The following OR2T8 variants were observed in gnomAD, a reference collection of about 807,000 sequenced individuals.
OR2T8 encodes the protein olfactory receptor 2T8.
For missense variants in OR2T8, 161 were observed against 389.4 expected (o/e 0.41, Z 4.94); for synonymous variants, 56 against 154.3 (o/e 0.36, Z 4.72).
Position 247,923,049 on chromosome 1 carries a change from A to G in OR2T8, c.*1093A>G, listed in dbSNP as rs2103002806. 6.6e-6 allele frequency among the ~76,000 whole-genome samples: 1 copy of G among 152,350 alleles called. No individual in the cohort carries two copies. The highest frequency in any genetic ancestry group is 6.5e-5 in the Admixed American group (1 of 15,304). Reference sequence around the variant, plus strand: ...AAAAAAAAATCTGTATATGCTTCCAAAGCGAAAACAACTTGGTCATTAACT... The same window carrying G: ...AAAAAAAAATCTGTATATGCTTCCAGAGCGAAAACAACTTGGTCATTAACT... On this transcript the variant is annotated 3_prime_UTR_variant, in exon 2 of 2. Transcript: ENST00000641945.
Position 247,921,012 on chromosome 1 carries a change from GA to G in OR2T8, c.-3del. 6.3e-7 allele frequency: 1 copy of G among 1,590,618 alleles called. No individual in the cohort carries two copies. The highest frequency in any genetic ancestry group is 1.3e-5 in the African/African-American group (1 of 74,496). The stretch of plus-strand genomic sequence containing the variant: ...TCCATTTGCAGTGTCACTCTTATTT[GA>G]AATCATGGAAAATGGGAGCTATACC... On this transcript the variant is annotated 5_prime_UTR_variant, in exon 2 of 2. Transcript: ENST00000641945.
rs1185722652 is a variant in OR2T8, at chr1:247,922,690, G to A, written c.*734G>A. ...CCATTATTTTGCTGATGGACATCTG[G>A]GCTATTTTCAGTTTGAAGTTCTGGT... On this transcript the variant is annotated 3_prime_UTR_variant, in exon 2 of 2. Transcript: ENST00000641945. 6.6e-6 allele frequency among the ~76,000 whole-genome samples: 1 copy of A among 151,932 alleles called. No individual in the cohort carries two copies. Among genetic ancestry groups the A allele is most frequent in the Non-Finnish European group, 1.5e-5 (1 of 67,978 alleles).
rs6695357 is a variant in OR2T8 at position 247,921,930 on chromosome 1, C to T, written c.913C>T (p.Arg305Trp). The T allele has an allele frequency of 2.9e-3, 4,699 of 1,614,044 alleles. 90 individuals carry two copies. In the African/African-American group the frequency reaches 0.04, roughly 14 times the overall value. Residue 305 changes from arginine (R) to tryptophan (W), a missense_variant, in exon 2 of 2, where the codon CGG becomes TGG. Coordinates refer to ENST00000641945, the MANE Select transcript of OR2T8 (RefSeq NM_001005522.2). ...GGGAGCCCTGACAAGGTGTATGGGT[C>T]GGTGTGTGGCCTTAAGTCGTGAATA... The part of the protein sequence containing the change: ...VKGALTRCMG[R>W]CVALSRE
chr1:247,921,856 C>T lies in OR2T8; in HGVS notation c.839C>T (p.Thr280Ile). ...GTGTCAGCCTTCTATACTATGTTCA[C>T]CCCTTTACTAAACCCCCTCATCTAC... is the stretch of plus-strand genomic sequence containing the variant. ...KVVSAFYTMF[T>I]PLLNPLIYSV... The change falls in exon 2 of 2, where the codon ACC becomes ATC. Residue 280 changes from threonine to isoleucine, a missense_variant. Thr to Ile is a moderately conservative substitution (Grantham distance 89). Coordinates refer to ENST00000641945, the MANE Select transcript of OR2T8 (RefSeq NM_001005522.2). The T allele has an allele frequency of 1.9e-6, 3 of 1,613,680 alleles. No homozygotes were observed. Among genetic ancestry groups the T allele is most frequent in the East Asian group, 2.2e-5 (1 of 44,844 alleles).
rs1409488565 is a variant in OR2T8, at chr1:247,922,845, C to T, written c.*889C>T. On this transcript the variant is annotated 3_prime_UTR_variant, in exon 2 of 2. Transcript: ENST00000641945. ...CTCTTATACTGCCGCTGACAATGCACACAAGTTCCTGTTGCTCCAAATGTC... is the reference window on the plus strand; with the variant it reads ...CTCTTATACTGCCGCTGACAATGCATACAAGTTCCTGTTGCTCCAAATGTC... Among the ~76,000 whole-genome samples the T allele has an allele frequency of 6.6e-6, 1 of 152,210 alleles. No individual in the cohort carries two copies. The highest frequency in any genetic ancestry group is 1.9e-4 in the East Asian group (1 of 5,204).
chr1:247,922,200 C>A lies in OR2T8; in HGVS notation c.*244C>A, dbSNP rs1660033471. On this transcript the variant is annotated 3_prime_UTR_variant, in exon 2 of 2. Coordinates refer to ENST00000641945, the MANE Select transcript of OR2T8 (RefSeq NM_001005522.2). Reference sequence around the variant, plus strand: ...ACTAATCCTTAGTAAGATGGTTTTACATCATACCTCACAATAATTTTTTGT... The same window carrying A: ...ACTAATCCTTAGTAAGATGGTTTTAAATCATACCTCACAATAATTTTTTGT... Among the ~76,000 whole-genome samples, 1 of 152,160 alleles carries A rather than the reference C, an allele frequency of 6.6e-6. No individual in the cohort carries two copies. The highest frequency in any genetic ancestry group is 6.5e-5 in the Admixed American group (1 of 15,272).
intron 1 of OR2T8, 64 bp from the exon 2 acceptor site, chr1:247,920,934 C>A: frequency 8.4e-7 from 1 of 1,194,710 alleles, no homozygotes. Context: ...TATTTTTTTA[C>A]TACGTAACTC....
chr1:247,920,278 T>C lies in OR2T8; in HGVS notation c.-261T>C, dbSNP rs1416322586. 1 of 152,230 alleles carries C rather than the reference T, an allele frequency of 6.6e-6. No homozygotes were observed. The highest frequency in any genetic ancestry group is 2.4e-5 in the African/African-American group (1 of 41,460). The allele number at this position is 152,230 out of a possible 1,614,324, so 9.4% of individuals were successfully genotyped here. ...ATTGCAACAAAGTACCTTGTACAGT[T>C]AATGAAAATGTGTGTTTACCATTAT... On this transcript the variant is annotated 5_prime_UTR_variant, in exon 1 of 2. Transcript: ENST00000641945.
At position 247,921,038 on chromosome 1, in the gene OR2T8, C is replaced by T. The variant is rs1558367710; in HGVS notation, c.21C>T (p.Thr7=). Residue 7 remains threonine (T), a synonymous_variant, in exon 2 of 2, where the codon ACC becomes ACT. Transcript: ENST00000641945. ...AAATCATGGAAAATGGGAGCTATAC[C>T]TCTTATTTCATTCTCCTAGGACTCT... is the stretch of plus-strand genomic sequence containing the variant. MENGSY[T]SYFILLGLFN... 1 of 1,609,592 alleles carries T rather than the reference C, an allele frequency of 6.2e-7. No homozygotes were observed. The highest frequency in any genetic ancestry group is 8.5e-7 in the Non-Finnish European group (1 of 1,177,148).
rs980903041 is a variant in OR2T8 at position 247,922,701 on chromosome 1, G to T, written c.*745G>T. ...CTGATGGACATCTGGGCTATTTTCAGTTTGAAGTTCTGGTGACTGAAATGT... is the reference window on the plus strand; with the variant it reads ...CTGATGGACATCTGGGCTATTTTCATTTTGAAGTTCTGGTGACTGAAATGT... On this transcript the variant is annotated 3_prime_UTR_variant, in exon 2 of 2. Transcript: ENST00000641945. 6.6e-6 allele frequency among the ~76,000 whole-genome samples: 1 copy of T among 152,120 alleles called. No individual in the cohort carries two copies. The highest frequency in any genetic ancestry group is 1.5e-5 in the Non-Finnish European group (1 of 68,024).
Position 247,921,401 on chromosome 1 carries a change from C to G in OR2T8, c.384C>G (p.Leu128=). ...GCTATGCGGCTGTCTGCCACCCACT[C>G]CGATATCCCACTCTCATGAGCTGGC... The part of the protein sequence containing the change: ...YDRYAAVCHP[L]RYPTLMSWQL... Residue 128 remains leucine (L), a synonymous_variant, in exon 2 of 2, where the codon CTC becomes CTG. Transcript: ENST00000641945. The G allele has an allele frequency of 2.6e-6, 3 of 1,138,766 alleles. No individual in the cohort carries two copies. The allele number at this position is 1,138,766 out of a possible 1,614,324, so 70.5% of individuals were successfully genotyped here. A position where few individuals can be genotyped will look rare whatever the true frequency, so the allele number is the denominator to read the frequency against.
rs1660025218 is a variant in OR2T8 at position 247,921,859 on chromosome 1, C to A, written c.842C>A (p.Pro281His). The A allele has an allele frequency of 6.2e-7, 1 of 1,613,662 alleles. No individual in the cohort carries two copies. The highest frequency in any genetic ancestry group is 1.3e-5 in the African/African-American group (1 of 74,770). Residue 281 changes from proline to histidine, a missense_variant, in exon 2 of 2, where the codon CCT becomes CAT. Physicochemically the swap from Pro to His is moderately conservative, Grantham distance 77. Coordinates refer to ENST00000641945, the MANE Select transcript of OR2T8 (RefSeq NM_001005522.2). ...VVSAFYTMFTPLLNPLIYSVK... is the reference protein window; with the variant it reads ...VVSAFYTMFTHLLNPLIYSVK... ...TCAGCCTTCTATACTATGTTCACCC[C>A]TTTACTAAACCCCCTCATCTACAGT...
rs1572607648 is a variant in OR2T8 at position 247,923,067 on chromosome 1, CA to C, written c.*1112del. Among the ~76,000 whole-genome samples the C allele has an allele frequency of 6.6e-6, 1 of 152,264 alleles. No homozygotes were observed. On this transcript the variant is annotated 3_prime_UTR_variant, in exon 2 of 2. Transcript: ENST00000641945. The stretch of plus-strand genomic sequence containing the variant: ...GCTTCCAAAGCGAAAACAACTTGGT[CA>C]TTAACTAATAGGCAATCTATGGCAT...
Position 247,923,150 on chromosome 1 carries a change from AT to A in OR2T8, c.*1195del, listed in dbSNP as rs1660045852. ...ATCATATATTGGGTTATTTTTTATT[AT>A]ATTTCCTGACACATGTGTTATCATT... On this transcript the variant is annotated 3_prime_UTR_variant, in exon 2 of 2. Transcript: ENST00000641945. Among the ~76,000 whole-genome samples the A allele has an allele frequency of 1.3e-5, 2 of 152,186 alleles. No individual in the cohort carries two copies. Among genetic ancestry groups the A allele is most frequent in the Non-Finnish European group, 2.9e-5 (2 of 68,036 alleles).
At position 247,922,752 on chromosome 1, in the gene OR2T8, A is replaced by G. The variant is rs4925581; in HGVS notation, c.*796A>G. Among the ~76,000 whole-genome samples the G allele has an allele frequency of 0.65, 99,391 of 151,952 alleles. 34,032 individuals carry two copies. The highest frequency in any genetic ancestry group is 0.77 in the Non-Finnish European group (52,197 of 67,996). The stretch of plus-strand genomic sequence containing the variant: ...ATGTTAATCTCCTATTTGTAATCAT[A>G]TGTTTTTATTTTTCTTGGTAGGTGT... On this transcript the variant is annotated 3_prime_UTR_variant, in exon 2 of 2. Transcript: ENST00000641945.
In OR2T8 at chr1:247,921,129, T is replaced by C; in HGVS notation, c.112T>C (p.Phe38Leu). 6.2e-7 allele frequency: 1 copy of C among 1,608,856 alleles called. No individual in the cohort carries two copies. Among genetic ancestry groups the C allele is most frequent in the Non-Finnish European group, 8.5e-7 (1 of 1,177,476 alleles). The change falls in exon 2 of 2, where the codon TTT becomes CTT. Residue 38 changes from phenylalanine (F) to leucine (L), a missense_variant. Coordinates refer to ENST00000641945, the MANE Select transcript of OR2T8 (RefSeq NM_001005522.2). ...TCTGAGTATCGTTTTGACCTCCCTG[T>C]TTGGCAATTCCCTCATGATTCTCCT... The part of the protein sequence containing the change: ...MVLSIVLTSL[F>L]GNSLMILLIH...
Position 247,921,840 on chromosome 1 carries a change from T to A in OR2T8, c.823T>A (p.Phe275Ile). 1 of 1,613,328 alleles carries A rather than the reference T, an allele frequency of 6.2e-7. No individual in the cohort carries two copies. Among genetic ancestry groups the A allele is most frequent in the East Asian group, 2.2e-5 (1 of 44,810 alleles). ...STNHDKVVSA[F>I]YTMFTPLLNP... ...TAACCACGACAAGGTTGTGTCAGCC[T>A]TCTATACTATGTTCACCCCTTTACT... The change falls in exon 2 of 2, where the codon TTC (phenylalanine) becomes ATC (isoleucine). Residue 275 changes from phenylalanine to isoleucine, a missense_variant. Coordinates refer to ENST00000641945, the MANE Select transcript of OR2T8 (RefSeq NM_001005522.2).
At chr1:247,920,779 C>A (rs927751538) in intron 1 of OR2T8, among the ~76,000 whole-genome samples, 1 of 152,152 alleles carries the variant, frequency 6.6e-6, no homozygotes, top group African/African-American at 2.4e-5. Context: ...TAAAATTAAT[C>A]AATACTTAGC....
In OR2T8 at chr1:247,920,901, T is replaced by C. The variant is rs1007397276; in HGVS notation, c.-20-97T>C. ...AATGAAAGATTTGACATAGGTTTCA[T>C]CGCTTTCACACAAGTACTTTTCTAT... On this transcript the variant is annotated intron_variant, in intron 1 of 1. Coordinates refer to ENST00000641945, the MANE Select transcript of OR2T8 (RefSeq NM_001005522.2). The C allele has an allele frequency of 3.5e-6, 3 of 862,072 alleles. No individual in the cohort carries two copies. The African/African-American group carries it at 5.1e-5, about 15-fold the overall frequency. 53.4% of individuals were successfully genotyped at this position (862,072 alleles called of 1,614,324 possible).
Sources: gnomAD v4.1 joint callset for allele counts (sites outside exome capture counted in the v4.1 genomes callset) on GRCh38, gnomAD v4.1.1 for gene constraint, MANE v1.5 for transcripts, NCBI Gene and HGNC (gene_info 2026-07-23, HGNC 2026-07-21) for gene names.